The following FAM118B variants were observed in gnomAD, a reference collection of about 807,000 sequenced individuals.
FAM118B encodes the protein protein FAM118B.
A neutral mutation model predicts 38.5 loss-of-function variants in FAM118B; 24 were observed. The ratio of observed to expected loss-of-function variants is 0.62; its 90% confidence interval spans 0.45 to 0.88. The LOEUF (loss-of-function observed/expected upper bound fraction) is 0.88, where lower values mean the gene tolerates loss of function less well. FAM118B is among the 40% of genes least tolerant of loss of function. The probability of loss-of-function intolerance (pLI) is 0.00; values close to 1 mark genes in which losing one functional copy is unlikely to be tolerated. For synonymous variants in FAM118B, 138 were observed against 156.3 expected, an observed-to-expected ratio of 0.88 and a Z score of 0.87; for missense variants, 334 against 420.0, an observed-to-expected ratio of 0.80 and a Z score of 1.79.
At chr11:126,214,076 C>CGGT (rs1168058418) in intron 1 of FAM118B, among the ~76,000 whole-genome samples, 1 of 152,086 alleles carries the variant, frequency 6.6e-6, no homozygotes, top group Non-Finnish European at 1.5e-5. Flanking sequence ...TGGCCGGGCG[C>CGGT]GGTGGCCCAC....
chr11:126,262,236 G>GT lies in FAM118B; in HGVS notation c.*104dup. The GT allele has an allele frequency of 7.8e-7, 1 of 1,288,644 alleles. No individual in the cohort carries two copies. Among genetic ancestry groups the GT allele is most frequent in the Non-Finnish European group, 1.1e-6 (1 of 895,392 alleles). The allele number at this position is 1,288,644 out of a possible 1,614,324, so 79.8% of individuals were successfully genotyped here. ...AAGAACCCAACACAATTCCCAGAAA[G>GT]TAACAATAGCCAGAGGTTGAAGGGC... On this transcript the variant is annotated 3_prime_UTR_variant, in exon 9 of 9. Coordinates refer to ENST00000533050, the MANE Select transcript of FAM118B (RefSeq NM_024556.4).
At chr11:126,233,738 T>C (rs1310454337) in intron 2 of FAM118B, 1 of 456,268 alleles carries the variant, frequency 2.2e-6, no homozygotes, top group Non-Finnish European at 4.4e-6. Flanking sequence ...ATGTGAGCCT[T>C]CTGTTTACCA....
rs1341122330 is a variant in FAM118B, at chr11:126,246,446, G to C, written c.340-4060G>C. Reference sequence around the variant, plus strand: ...GAACCCTGCACAAATCCCTTAACTTGTCAACATCTGTTTTTGCACCTGTGA... The same window carrying C: ...GAACCCTGCACAAATCCCTTAACTTCTCAACATCTGTTTTTGCACCTGTGA... On this transcript the variant is annotated intron_variant, in intron 4 of 8. Coordinates refer to ENST00000533050, the MANE Select transcript of FAM118B (RefSeq NM_024556.4). Among the ~76,000 whole-genome samples the C allele has an allele frequency of 5.3e-5, 8 of 152,242 alleles. No homozygotes were observed. The East Asian group carries it at 1.3e-3, about 26-fold the overall frequency.
At position 126,262,290 on chromosome 11, in the gene FAM118B, G is replaced by GT; in HGVS notation, c.*158dup. 1.7e-6 allele frequency: 1 copy of GT among 585,074 alleles called. No individual in the cohort carries two copies. The allele number at this position is 585,074 out of a possible 1,614,324, so 36.2% of individuals were successfully genotyped here. On this transcript the variant is annotated 3_prime_UTR_variant, in exon 9 of 9. Transcript: ENST00000533050. The stretch of plus-strand genomic sequence containing the variant: ...GTAGAAGAGGGGGGAATGTTGCAGC[G>GT]TAATCCTTCATACCACCTGGTTCTT...
At position 126,211,960 on chromosome 11, in the gene FAM118B, C is replaced by T. The variant is rs113691498; in HGVS notation, c.-77+130C>T. 1.8e-3 allele frequency: 553 copies of T among 304,920 alleles called. 4 individuals carry two copies. Among genetic ancestry groups the T allele is most frequent in the African/African-American group, 0.011 (524 of 46,526 alleles). 18.9% of individuals were successfully genotyped at this position (304,920 alleles called of 1,614,324 possible). On this transcript the variant is annotated intron_variant, in intron 1 of 8. Transcript: ENST00000533050. Reference sequence around the variant, plus strand: ...GAGAAACGTTTCTCCTTTTGGTACACGATCCCACTCAAAAACTCCTCCCCG... The same window carrying T: ...GAGAAACGTTTCTCCTTTTGGTACATGATCCCACTCAAAAACTCCTCCCCG...
At chr11:126,221,155 C>G (rs901125921) in intron 1 of FAM118B, among the ~76,000 whole-genome samples, 7 of 152,134 alleles carry the variant, frequency 4.6e-5, no homozygotes, top group African/African-American at 1.7e-4. Context: ...CCACTGCACT[C>G]CAGCCTGGGT....
intron 2 of FAM118B, chr11:126,233,571 T>C (rs1048932159): frequency 4.2e-5 from 15 of 355,378 alleles, no homozygotes; most frequent in African/African-American, 2.8e-4. Flanking sequence ...TCATCTGTCT[T>C]CTCCTGAGCC....
At chr11:126,254,871 TCTTAA>T (rs1199956511) in intron 6 of FAM118B, among the ~76,000 whole-genome samples, 1 of 152,170 alleles carries the variant, frequency 6.6e-6, no homozygotes, top group Non-Finnish European at 1.5e-5. Context: ...TTCCTGTGCT[TCTTAA>T]CTTATGGGTG....
At chr11:126,260,397 T>G (rs901018382) in intron 7 of FAM118B, 1 of 19,834 alleles carries the variant, frequency 5.0e-5, no homozygotes, top group African/African-American at 5.6e-4. Flanking sequence ...AATATAGTGA[T>G]TTTTTTTTTT....
At position 126,262,694 on chromosome 11, in the gene FAM118B, A is replaced by G. The variant is rs2135232281; in HGVS notation, c.*561A>G. 1 of 152,808 alleles carries G rather than the reference A, an allele frequency of 6.5e-6. No homozygotes were observed. Among genetic ancestry groups the G allele is most frequent in the East Asian group, 1.9e-4 (1 of 5,190 alleles). The allele number at this position is 152,808 out of a possible 1,614,324, so 9.5% of individuals were successfully genotyped here. A position where few individuals can be genotyped will look rare whatever the true frequency, so the allele number is the denominator to read the frequency against. On this transcript the variant is annotated 3_prime_UTR_variant, in exon 9 of 9. Transcript: ENST00000533050. ...TTTTAGAGTCATTGTAAGAAACTCT[A>G]ACTTGCATCAAGGTACTAATAAGCT...
In FAM118B at chr11:126,256,514, C is replaced by T; in HGVS notation, c.697-53C>T. The T allele has an allele frequency of 6.4e-7, 1 of 1,556,534 alleles. No individual in the cohort carries two copies. The highest frequency in any genetic ancestry group is 1.4e-5 in the African/African-American group (1 of 73,366). On this transcript the variant is annotated intron_variant, in intron 6 of 8. Coordinates refer to ENST00000533050, the MANE Select transcript of FAM118B (RefSeq NM_024556.4). This position sits in a 1 kb window ranked among gnomAD's most constrained non-coding sequence, Gnocchi z 6.6. The stretch of plus-strand genomic sequence containing the variant: ...CGTAGCATGACCTTCTTGTTTCAGA[C>T]TTGCCTTGAGTGTGTCTTCACAATG...
rs116275547 is a variant in FAM118B, at chr11:126,213,561, A to C, written c.-77+1731A>C. On this transcript the variant is annotated intron_variant, in intron 1 of 8. Coordinates refer to ENST00000533050, the MANE Select transcript of FAM118B (RefSeq NM_024556.4). ...ATATTACTTAGATACTTGAAGCTCA[A>C]TTTTCCAAGGACCCTGAAGTTTTGA... Among the ~76,000 whole-genome samples, 475 of 152,290 alleles carry C rather than the reference A, an allele frequency of 3.1e-3. 2 individuals are homozygous for C. The highest frequency in any genetic ancestry group is 0.011 in the African/African-American group (457 of 41,550).
At chr11:126,232,856 G>A (rs969568356) in intron 2 of FAM118B, among the ~76,000 whole-genome samples, 3 of 151,934 alleles carry the variant, frequency 2.0e-5, no homozygotes, top group Admixed American at 1.3e-4. Context: ...TTTTAGAATC[G>A]GAAGTGAGTC....
intron 1 of FAM118B, chr11:126,214,450 TGGCTGCAATACTGCCACTGCAAAAAAC>T: frequency 6.9e-6 from 1 of 144,544 alleles, no homozygotes; most frequent in Non-Finnish European, 1.5e-5. Context: ...TAAACCTCAT[TGGCTGCAATACTGCCACTGCAAAAAAC>T]TCTTTTGTTT....
intron 7 of FAM118B, among the ~76,000 whole-genome samples, chr11:126,259,392 T>C (rs1316206453): frequency 1.3e-5 from 2 of 151,508 alleles, no homozygotes; most frequent in African/African-American, 2.4e-5. Context: ...ATAATTCTTA[T>C]AATCCATTAC....
chr11:126,213,727 G>C (rs908644222), intron 1 of FAM118B, among the ~76,000 whole-genome samples: 5 of 152,194 alleles, frequency 3.3e-5, no homozygotes, highest in African/African-American at 1.2e-4. Context: ...TGTTCTTGCA[G>C]AGTTGGCCTT....
intron 1 of FAM118B, among the ~76,000 whole-genome samples, chr11:126,225,825 C>T (rs180677205): frequency 6.6e-6 from 1 of 152,000 alleles, no homozygotes; most frequent in Non-Finnish European, 1.5e-5. Flanking sequence ...ACTAAAAATA[C>T]AAAAATTAGC....
At chr11:126,217,891 TGTG>T (rs1201229670) in intron 1 of FAM118B, among the ~76,000 whole-genome samples, 14 of 152,358 alleles carry the variant, frequency 9.2e-5, no homozygotes, top group African/African-American at 3.1e-4. Context: ...GCTCTAGAGA[TGTG>T]GTGATTTAAA....
Position 126,249,640 on chromosome 11 carries a change from A to G in FAM118B, c.340-866A>G, listed in dbSNP as rs554545383. ...CAGCTACTTGGGAAGCTGAGGCAGG[A>G]GAATTGCTTGAACCTGGCGGGGCGG... On this transcript the variant is annotated intron_variant, in intron 4 of 8. Transcript: ENST00000533050. 4.1e-5 allele frequency among the ~76,000 whole-genome samples: 6 copies of G among 147,252 alleles called. No homozygotes were observed. In the East Asian group the frequency reaches 1.3e-3, roughly 32 times the overall value.
Sources: allele counts gnomAD v4.1 joint callset (sites outside exome capture counted in the v4.1 genomes callset), GRCh38; gene constraint gnomAD v4.1.1; non-coding constraint Gnocchi (gnomAD v3.1); transcripts MANE v1.5; gene names NCBI Gene and HGNC (gene_info 2026-07-23, HGNC 2026-07-21).